Variants in TANC2 observed in about 807,000 individuals in gnomAD.
TANC2 encodes the protein protein TANC2.
Under a neutral mutation model 210.5 loss-of-function variants are expected in TANC2, and 26 were observed. That is an observed-to-expected ratio of 0.12 (90% CI 0.09 to 0.17). The LOEUF is 0.17. Ranked by LOEUF, TANC2 falls within the 10% of genes least tolerant of loss-of-function variation. The probability of loss-of-function intolerance (pLI) is 1.00; values close to 1 mark genes in which losing one functional copy is unlikely to be tolerated. For missense variants in TANC2, 2,129 were observed against 2,608.9 expected (o/e 0.82, Z 4.01); for synonymous variants, 931 against 967.1 (o/e 0.96, Z 0.69).
intron 14 of TANC2, among the ~76,000 whole-genome samples, chr17:63,368,171 G>A (rs950185669): frequency 6.6e-6 from 1 of 152,142 alleles, no homozygotes; most frequent in African/African-American, 2.4e-5. Flanking sequence ...AAAGTGACGA[G>A]ATTTATCTTG....
At chr17:63,398,998 T>C in intron 19 of TANC2, 84 bp downstream of exon 19, 1 of 1,005,058 alleles carries the variant, frequency 9.9e-7, no homozygotes, top group Non-Finnish European at 1.5e-6. Context: ...TTCCCTGGCA[T>C]ACATTTGGCA....
At position 63,004,539 on chromosome 17, in the gene TANC2, C is replaced by T. The variant is rs2033526158; in HGVS notation, c.-23-4998C>T. On this transcript the variant is annotated intron_variant, in intron 1 of 27. Transcript: ENST00000689528. ...GGATACATTCTAGTAGTGATATATGCCTCTTCCCCAAAAAGCAACAATGAA... is the reference window on the plus strand; with the variant it reads ...GGATACATTCTAGTAGTGATATATGTCTCTTCCCCAAAAAGCAACAATGAA... 7 of 161,702 alleles carry T rather than the reference C, an allele frequency of 4.3e-5. No individual in the cohort carries two copies. The Admixed American group carries it at 4.5e-4, about 10-fold the overall frequency. 10.0% of individuals were successfully genotyped at this position (161,702 alleles called of 1,614,324 possible).
chr17:63,143,772 G>C (rs927124600), intron 4 of TANC2, among the ~76,000 whole-genome samples: 3 of 151,930 alleles, frequency 2.0e-5, no homozygotes, highest in African/African-American at 7.3e-5. Context: ...TTTGGCTCTG[G>C]TTACTTTAGA....
chr17:62,987,992 A>G (rs1400059307), intron 1 of TANC2, among the ~76,000 whole-genome samples: 1 of 152,164 alleles, frequency 6.6e-6, no homozygotes, highest in Non-Finnish European at 1.5e-5. Context: ...TAAATATAGT[A>G]AGTTTCTGCT....
intron 5 of TANC2, among the ~76,000 whole-genome samples, chr17:63,163,182 G>T (rs1372300966): frequency 6.6e-6 from 1 of 152,032 alleles, no homozygotes; most frequent in African/African-American, 2.4e-5. Context: ...GTACCAATAG[G>T]CTCAAAGAAA....
chr17:63,288,242 A>G (rs1006411543), intron 9 of TANC2, among the ~76,000 whole-genome samples: 1 of 152,050 alleles, frequency 6.6e-6, no homozygotes, highest in Admixed American at 6.6e-5. Context: ...TGGGATTCTC[A>G]GCTCCACCTC....
chr17:63,343,825 G>T (rs2046315623), intron 12 of TANC2, among the ~76,000 whole-genome samples: 1 of 152,196 alleles, frequency 6.6e-6, no homozygotes, highest in Non-Finnish European at 1.5e-5. Flanking sequence ...GAACCCAGGA[G>T]GTCAAGGCTG....
chr17:63,170,453 AAAG>A (rs1200548190), intron 5 of TANC2, among the ~76,000 whole-genome samples: 2 of 150,592 alleles, frequency 1.3e-5, no homozygotes, highest in Non-Finnish European at 3.0e-5. Context: ...AAAAAAAAAG[AAAG>A]AAAATTATTT....
chr17:63,247,149 A>G (rs149216225), intron 8 of TANC2, among the ~76,000 whole-genome samples: 8 of 152,238 alleles, frequency 5.3e-5, no homozygotes, highest in Admixed American at 5.2e-4. Context: ...TTGGATTTGT[A>G]CGAACTTGTT....
At chr17:63,160,572 T>C (rs1219799273) in intron 5 of TANC2, among the ~76,000 whole-genome samples, 2 of 152,222 alleles carry the variant, frequency 1.3e-5, no homozygotes, top group African/African-American at 4.8e-5. Flanking sequence ...AACATTTAAA[T>C]TGTTTTAATT....
chr17:63,002,663 A>G (rs911649058), intron 1 of TANC2, among the ~76,000 whole-genome samples: 4 of 152,136 alleles, frequency 2.6e-5, no homozygotes, highest in Admixed American at 6.5e-5. Flanking sequence ...CCCCATATCT[A>G]CCCCCAAGAG....
At chr17:63,182,678 A>G (rs1250019748) in intron 5 of TANC2, 1 of 156,990 alleles carries the variant, frequency 6.4e-6, no homozygotes, top group Non-Finnish European at 1.4e-5. Context: ...TCATGAGGTC[A>G]TGGAGGCCTC....
chr17:63,184,883 C>T lies in TANC2; in HGVS notation c.434-9108C>T, dbSNP rs141073865. ...TGTTGGTCAGATGATCCCCCCACCT[C>T]GGCCTCCCAAAGTGCTGGGATTACA... is the stretch of plus-strand genomic sequence containing the variant. On this transcript the variant is annotated intron_variant, in intron 5 of 27. Transcript: ENST00000689528. Among the ~76,000 whole-genome samples, 154 of 151,940 alleles carry T rather than the reference C, an allele frequency of 1.0e-3. 7 individuals carry two copies. The highest frequency in any genetic ancestry group is 0.01 in the East Asian group (52 of 5,132).
chr17:63,149,452 T>A (rs2039573270), intron 4 of TANC2: 1 of 152,082 alleles, frequency 6.6e-6, no homozygotes, highest in African/African-American at 2.4e-5. Context: ...TTTCATTATT[T>A]AAAAAATGTT....
intron 6 of TANC2, among the ~76,000 whole-genome samples, chr17:63,198,100 T>C (rs1171689963): frequency 6.6e-6 from 1 of 152,262 alleles, no homozygotes; most frequent in East Asian, 1.9e-4. Flanking sequence ...GCATATAATA[T>C]GATTTTCTTT....
chr17:63,030,520 C>G (rs569615905), intron 2 of TANC2, among the ~76,000 whole-genome samples: 1 of 152,086 alleles, frequency 6.6e-6, no homozygotes, highest in Non-Finnish European at 1.5e-5. Flanking sequence ...ACTACTAGAA[C>G]AACTAATCCC....
At chr17:63,299,864 A>G (rs1054055868) in intron 9 of TANC2, among the ~76,000 whole-genome samples, 3 of 152,108 alleles carry the variant, frequency 2.0e-5, no homozygotes, top group African/African-American at 7.2e-5. Flanking sequence ...GCCCATGCCT[A>G]TGTCCTGAAT....
chr17:62,968,128 A>G (rs949417779), intron 1 of TANC2, among the ~76,000 whole-genome samples: 47 of 152,380 alleles, frequency 3.1e-4, no homozygotes, highest in African/African-American at 1.1e-3. Flanking sequence ...TTGTCAGAAC[A>G]TAGCTGGAAT....
chr17:63,420,962 T>C lies in TANC2; in HGVS notation c.5232T>C (p.Tyr1744=). 1 of 1,614,012 alleles carries C rather than the reference T, an allele frequency of 6.2e-7. No individual in the cohort carries two copies. The change falls in exon 28 of 28, where the codon TAT becomes TAC. Residue 1744 remains tyrosine, a synonymous_variant. Coordinates refer to ENST00000689528, the Ensembl canonical transcript of TANC2. This position sits in a 1 kb window ranked among gnomAD's most constrained non-coding sequence, Gnocchi z 4.2. Reference sequence around the variant, plus strand: ...GAGTCAGCCAGAGCCGGTTGGTTTATCAAGGGTCAATTGGGGGAATCGTAG... The same window carrying C: ...GAGTCAGCCAGAGCCGGTTGGTTTACCAAGGGTCAATTGGGGGAATCGTAG...
Sources: allele counts gnomAD v4.1 joint callset (sites outside exome capture counted in the v4.1 genomes callset), GRCh38; gene constraint gnomAD v4.1.1; non-coding constraint Gnocchi (gnomAD v3.1); transcripts MANE v1.5; gene names NCBI Gene and HGNC (gene_info 2026-07-23, HGNC 2026-07-21).